The following RNF150 variants were observed in gnomAD, a reference collection of about 807,000 sequenced individuals.
The protein encoded by RNF150 is ring finger protein 150.
Under a neutral mutation model 39.3 loss-of-function variants are expected in RNF150, and 24 were observed. The observed-to-expected ratio is 0.61, with a 90% CI of 0.44 to 0.86. The LOEUF (loss-of-function observed/expected upper bound fraction) is 0.86. RNF150 is among the 40% of genes least tolerant of loss of function. The pLI, the probability that RNF150 is intolerant of heterozygous loss-of-function variation, is 0.00. For missense variants in RNF150, 502 were observed against 587.8 expected, an observed-to-expected ratio of 0.85 and a Z score of 1.51; for synonymous variants, 255 against 227.3, an observed-to-expected ratio of 1.12 and a Z score of -1.10.
intron 1 of RNF150, among the ~76,000 whole-genome samples, chr4:141,201,093 GATCTTTACCA>G (rs1389616108): frequency 1.2e-5 from 1 of 82,352 alleles, no homozygotes; most frequent in Non-Finnish European, 2.5e-5. Context: ...TATTATTTCA[GATCTTTACCA>G]ATCTTTACCA....
At chr4:140,997,991 T>G (rs73858685) in intron 1 of RNF150, among the ~76,000 whole-genome samples, 11,542 of 152,214 alleles carry the variant, frequency 0.076, 497 homozygotes, top group Middle Eastern at 0.16. Flanking sequence ...AAAAATTACT[T>G]TAAATGTATT....
intron 1 of RNF150, among the ~76,000 whole-genome samples, chr4:141,059,967 A>C (rs1737147752): frequency 6.6e-6 from 1 of 152,318 alleles, no homozygotes; most frequent in African/African-American, 2.4e-5. Flanking sequence ...CAAATGAATT[A>C]GGTGATGGAA....
At chr4:141,081,032 C>T (rs992175895) in intron 1 of RNF150, among the ~76,000 whole-genome samples, 11 of 152,162 alleles carry the variant, frequency 7.2e-5, no homozygotes, top group Admixed American at 5.9e-4. Flanking sequence ...AGCACGACTT[C>T]TAAAATGTTA....
intron 1 of RNF150, among the ~76,000 whole-genome samples, chr4:141,083,659 C>T (rs766758672): frequency 6.6e-6 from 1 of 151,598 alleles, no homozygotes. Flanking sequence ...TCTTTTTTTC[C>T]CCAAAGGCAA....
At chr4:141,011,893 C>G (rs1016267619) in intron 1 of RNF150, among the ~76,000 whole-genome samples, 5 of 152,132 alleles carry the variant, frequency 3.3e-5, no homozygotes, top group Non-Finnish European at 1.5e-5. Flanking sequence ...ACAAAAATCT[C>G]CTTAGAGTGA....
At chr4:141,084,019 C>T (rs533490913) in intron 1 of RNF150, among the ~76,000 whole-genome samples, 75 of 152,318 alleles carry the variant, frequency 4.9e-4, no homozygotes, top group Admixed American at 1.7e-3. Context: ...GTGGGTAATA[C>T]TGTCCCTAAT....
chr4:141,192,228 C>T (rs1728121784), intron 1 of RNF150, among the ~76,000 whole-genome samples: 1 of 152,144 alleles, frequency 6.6e-6, no homozygotes, highest in Admixed American at 6.5e-5. Flanking sequence ...CTCTCCATTC[C>T]TAAGGTAATA....
chr4:141,000,039 A>AAGG (rs1734581539), intron 1 of RNF150, among the ~76,000 whole-genome samples: 6 of 62,328 alleles, frequency 9.6e-5, no homozygotes, highest in African/African-American at 2.5e-4. Context: ...GAAGAAGAAG[A>AAGG]AGAAGAAGAA....
Position 140,868,171 on chromosome 4 carries a change from A to G in RNF150, c.*90T>C. On this transcript the variant is annotated 3_prime_UTR_variant, in exon 7 of 7. Transcript: ENST00000515673. ...CCCTGGAGTTGCCAAGGTGATCTGGAGGTGTGTGTGTGCCTGGTCCAAGTC... is the reference window on the plus strand; with the variant it reads ...CCCTGGAGTTGCCAAGGTGATCTGGGGGTGTGTGTGTGCCTGGTCCAAGTC... 1.3e-6 allele frequency: 1 copy of G among 757,796 alleles called. No homozygotes were observed. The highest frequency in any genetic ancestry group is 2.4e-6 in the Non-Finnish European group (1 of 424,162). 46.9% of individuals were successfully genotyped at this position (757,796 alleles called of 1,614,324 possible). A position where few individuals can be genotyped will look rare whatever the true frequency, so the allele number is the denominator to read the frequency against.
intron 1 of RNF150, among the ~76,000 whole-genome samples, chr4:141,005,758 CT>C (rs998613513): frequency 1.3e-5 from 2 of 152,154 alleles, no homozygotes; most frequent in Non-Finnish European, 2.9e-5. Flanking sequence ...ACACGTTTTA[CT>C]TTAGTTAGAT....
At chr4:140,949,683 CAA>C (rs11298622) in intron 2 of RNF150, among the ~76,000 whole-genome samples, 6 of 148,202 alleles carry the variant, frequency 4.0e-5, no homozygotes, top group Non-Finnish European at 5.9e-5. Flanking sequence ...TACCCCCCCC[CAA>C]AAAAAAATGA....
At chr4:141,166,332 C>A (rs1299323819) in intron 1 of RNF150, among the ~76,000 whole-genome samples, 1 of 152,118 alleles carries the variant, frequency 6.6e-6, no homozygotes, top group Non-Finnish European at 1.5e-5. Flanking sequence ...AAAAAAATCC[C>A]AGGACCAGAT....
intron 2 of RNF150, among the ~76,000 whole-genome samples, chr4:140,959,573 G>T (rs1052987352): frequency 1.3e-5 from 2 of 152,040 alleles, no homozygotes; most frequent in Admixed American, 6.6e-5. Context: ...AAAGGAAAAT[G>T]GTCTCAAGAA....
intron 1 of RNF150, among the ~76,000 whole-genome samples, chr4:141,175,692 G>C (rs188082587): frequency 1.3e-3 from 202 of 152,266 alleles, no homozygotes; most frequent in Non-Finnish European, 1.9e-3. Context: ...GTTTTAGTTA[G>C]GGCTACTATA....
In RNF150 at chr4:140,949,388, G is replaced by T. The variant is rs532696469; in HGVS notation, c.736-16C>A. 6.2e-7 allele frequency: 1 copy of T among 1,609,200 alleles called. No individual in the cohort carries two copies. The highest frequency in any genetic ancestry group is 8.5e-7 in the Non-Finnish European group (1 of 1,176,306). ...CCAGTCGGCGCTGAAAAGCCAAAAC[G>T]TGCTTGTTAATAATAAAGATCTGTA... On this transcript the variant is annotated splice_polypyrimidine_tract_variant and intron_variant, in intron 2 of 6. Transcript: ENST00000515673.
At chr4:141,139,126 G>A (rs1458431184) in intron 1 of RNF150, among the ~76,000 whole-genome samples, 2 of 152,132 alleles carry the variant, frequency 1.3e-5, no homozygotes, top group Admixed American at 6.5e-5. Flanking sequence ...GAAGCAGGAG[G>A]ATCACTTGAG....
chr4:141,072,613 G>A (rs1737749018), intron 1 of RNF150, among the ~76,000 whole-genome samples: 1 of 152,132 alleles, frequency 6.6e-6, no homozygotes, highest in African/African-American at 2.4e-5. Flanking sequence ...ATACAAAAAG[G>A]CAATCACAAA....
At chr4:141,164,170 T>C (rs959443082) in intron 1 of RNF150, among the ~76,000 whole-genome samples, 1 of 149,938 alleles carries the variant, frequency 6.7e-6, no homozygotes, top group African/African-American at 2.5e-5. Context: ...CAAGTATCAA[T>C]AGCTGAATTG....
Position 141,159,528 on chromosome 4 carries a change from T to G in RNF150, c.-6+53266A>C, listed in dbSNP as rs147980738. Among the ~76,000 whole-genome samples, 786 of 151,988 alleles carry G rather than the reference T, an allele frequency of 5.2e-3. 10 individuals are homozygous for G. The highest frequency in any genetic ancestry group is 0.018 in the African/African-American group (745 of 41,480). On this transcript the variant is annotated intron_variant, in intron 1 of 7. Transcript: ENST00000420921. The stretch of plus-strand genomic sequence containing the variant: ...ACCCCTAATTGTTGTTGTTGTTGTT[T>G]TTTGTTTTTGTTGTTTTTTGTTTTT...
Sources: allele counts gnomAD v4.1 joint callset (sites outside exome capture counted in the v4.1 genomes callset), GRCh38; gene constraint gnomAD v4.1.1; transcripts MANE v1.5; gene names NCBI Gene and HGNC (gene_info 2026-07-23, HGNC 2026-07-21).